Variants in ERC2 observed in about 807,000 individuals in gnomAD.
ERC2 encodes the protein ERC protein 2.
A neutral mutation model predicts 114.8 loss-of-function variants in ERC2; 42 were observed. The ratio of observed to expected loss-of-function variants is 0.37; its 90% CI spans 0.29 to 0.47. The LOEUF is 0.47. Among genes scored for constraint, ERC2 ranks in the 20% least tolerant of loss-of-function variants. The pLI is 0.99. For missense variants in ERC2, 939 were observed against 1,150.7 expected (o/e 0.82, Z 2.66); for synonymous variants, 454 against 425.5 (o/e 1.07, Z -0.82).
At chr3:56,456,809 T>C (rs2063082015) in intron 1 of ERC2, among the ~76,000 whole-genome samples, 2 of 152,218 alleles carry the variant, frequency 1.3e-5, no homozygotes, top group African/African-American at 4.8e-5. Context: ...AATATGGTGA[T>C]GCTGATGAAC....
intron 14 of ERC2, among the ~76,000 whole-genome samples, chr3:55,776,825 G>A (rs1055694904): frequency 6.6e-6 from 1 of 152,132 alleles, no homozygotes; most frequent in Non-Finnish European, 1.5e-5. Flanking sequence ...ACCCAACATG[G>A]CAAACACACA....
intron 3 of ERC2, among the ~76,000 whole-genome samples, chr3:56,287,678 A>G (rs752363824): frequency 6.6e-6 from 1 of 152,170 alleles, no homozygotes; most frequent in Non-Finnish European, 1.5e-5. Flanking sequence ...TCTGTGGTCT[A>G]CTCTGGATTA....
chr3:56,337,278 G>A (rs1352968549), intron 2 of ERC2, among the ~76,000 whole-genome samples: 1 of 152,168 alleles, frequency 6.6e-6, no homozygotes, highest in Non-Finnish European at 1.5e-5. Context: ...GCAAATAACA[G>A]GTCCACTGTG....
At chr3:55,756,382 C>A (rs1055498700) in intron 14 of ERC2, among the ~76,000 whole-genome samples, 2 of 151,936 alleles carry the variant, frequency 1.3e-5, no homozygotes, top group Non-Finnish European at 2.9e-5. Context: ...TAGTCTATGC[C>A]CTTGACATCA....
At chr3:55,748,881 A>G (rs962763382) in intron 14 of ERC2, among the ~76,000 whole-genome samples, 1 of 152,232 alleles carries the variant, frequency 6.6e-6, no homozygotes, top group Non-Finnish European at 1.5e-5. Flanking sequence ...ACAATTGAAT[A>G]TCAGAAATTT....
At chr3:55,813,115 C>A (rs1368837122) in intron 14 of ERC2, among the ~76,000 whole-genome samples, 1 of 152,162 alleles carries the variant, frequency 6.6e-6, no homozygotes, top group Non-Finnish European at 1.5e-5. Context: ...TGCTAATGTC[C>A]TATGGAAAGC....
rs535464101 is a variant in ERC2 at position 56,022,265 on chromosome 3, A to G, written c.1642-3234T>C. Among the ~76,000 whole-genome samples, 7 of 152,306 alleles carry G rather than the reference A, an allele frequency of 4.6e-5. No homozygotes were observed. In the South Asian group the frequency reaches 1.5e-3, roughly 32 times the overall value. ...ATTGCATAGAACAAAAATATAAGGA[A>G]TCTACTAAAATGTTTTATTTGGCAA... On this transcript the variant is annotated intron_variant, in intron 7 of 17. Coordinates refer to ENST00000288221, the MANE Select transcript of ERC2 (RefSeq NM_015576.3).
At chr3:55,796,378 A>G (rs921033878) in intron 14 of ERC2, among the ~76,000 whole-genome samples, 3 of 152,220 alleles carry the variant, frequency 2.0e-5, no homozygotes, top group African/African-American at 7.2e-5. Context: ...AGAACAGATC[A>G]GAAGTCGAGG....
intron 3 of ERC2, among the ~76,000 whole-genome samples, chr3:56,242,050 T>C (rs1432772758): frequency 6.6e-6 from 1 of 152,072 alleles, no homozygotes; most frequent in Non-Finnish European, 1.5e-5. Flanking sequence ...CAATTCACAA[T>C]TGCAAAAATA....
intron 15 of ERC2, among the ~76,000 whole-genome samples, chr3:55,706,943 T>A (rs193178567): frequency 6.6e-6 from 1 of 152,314 alleles, no homozygotes; most frequent in African/African-American, 2.4e-5. Context: ...ATATTGAGAC[T>A]CAGACTGAAT....
chr3:56,113,501 G>A (rs1480991219), intron 6 of ERC2, among the ~76,000 whole-genome samples: 1 of 152,142 alleles, frequency 6.6e-6, no homozygotes, highest in Admixed American at 6.5e-5. Flanking sequence ...TTTGCAGTGG[G>A]TATATGTGTG....
intron 15 of ERC2, among the ~76,000 whole-genome samples, chr3:55,720,549 T>C (rs1037296511): frequency 2.6e-5 from 4 of 151,902 alleles, no homozygotes; most frequent in African/African-American, 9.7e-5. Context: ...CCTCCCAAAG[T>C]GTTGGGATTA....
At chr3:55,922,958 G>A (rs538975080) in intron 13 of ERC2, among the ~76,000 whole-genome samples, 1 of 152,050 alleles carries the variant, frequency 6.6e-6, no homozygotes, top group Non-Finnish European at 1.5e-5. Context: ...TAGCTACTGT[G>A]GAAAACAGTA....
At chr3:56,462,418 T>G (rs759611064) in intron 1 of ERC2, among the ~76,000 whole-genome samples, 1 of 152,206 alleles carries the variant, frequency 6.6e-6, no homozygotes, top group African/African-American at 2.4e-5. Flanking sequence ...AAAGCATGTA[T>G]GTCATGCACT....
chr3:55,953,487 C>T (rs1309727349), intron 12 of ERC2, among the ~76,000 whole-genome samples: 4 of 152,140 alleles, frequency 2.6e-5, no homozygotes, highest in Non-Finnish European at 5.9e-5. Flanking sequence ...ACAGTTTTCA[C>T]ACATATTTCT....
At chr3:55,842,078 T>G (rs757601181) in intron 14 of ERC2, among the ~76,000 whole-genome samples, 1 of 152,128 alleles carries the variant, frequency 6.6e-6, no homozygotes, top group Non-Finnish European at 1.5e-5. Context: ...TAACTTAAGT[T>G]AACTAGCAAA....
intron 2 of ERC2, among the ~76,000 whole-genome samples, chr3:56,419,674 T>C (rs996347366): frequency 6.6e-6 from 1 of 152,338 alleles, no homozygotes; most frequent in African/African-American, 2.4e-5. Flanking sequence ...CACTGGGAAC[T>C]ATTTACTCCC....
chr3:56,125,839 A>G (rs1269877665), intron 6 of ERC2, among the ~76,000 whole-genome samples: 4 of 152,248 alleles, frequency 2.6e-5, no homozygotes, highest in Non-Finnish European at 5.9e-5. Context: ...GAGGACATGA[A>G]GTCCCAAGGT....
At chr3:56,334,911 C>A (rs533275334) in intron 2 of ERC2, among the ~76,000 whole-genome samples, 1 of 152,278 alleles carries the variant, frequency 6.6e-6, no homozygotes, top group Admixed American at 6.5e-5. Flanking sequence ...TTCAGGTGAT[C>A]CTCGTGCCTC....
Sources: gnomAD v4.1 joint callset for allele counts (sites outside exome capture counted in the v4.1 genomes callset) on GRCh38, gnomAD v4.1.1 for gene constraint, MANE v1.5 for transcripts, NCBI Gene and HGNC (gene_info 2026-07-23, HGNC 2026-07-21) for gene names.